PLAAT1: variants seen among roughly 807,000 people sequenced by gnomAD.
The protein encoded by PLAAT1 is H-REV107 protein-related protein.
PLAAT1 carries 13 observed loss-of-function variants against 16.4 expected under a neutral mutation model. The ratio of observed to expected loss-of-function variants is 0.79; its 90% confidence interval spans 0.52 to 1.26. PLAAT1 has a LOEUF of 1.26. PLAAT1 is among the 50% of genes most tolerant of loss of function. The pLI is 0.00. For missense variants in PLAAT1, 218 were observed against 207.8 expected (o/e 1.05, Z -0.30); for synonymous variants, 73 against 78.4 (o/e 0.93, Z 0.36).
At chr3:193,279,976 TA>T (rs57617984), downstream of PLAAT1, among the ~76,000 whole-genome samples, 790 of 59,876 alleles carry the variant, frequency 0.013, 10 homozygotes, top group African/African-American at 0.036. Context: ...GTGTCTTTGT[TA>T]AAAAAAAAAA....
At chr3:193,241,621 G>C in intron 1 of PLAAT1, 88 bp downstream of exon 1, 1 of 960,478 alleles carries the variant, frequency 1.0e-6, no homozygotes, top group African/African-American at 1.7e-5. Context: ...AAGTTGACAT[G>C]ACTAGAGAAC....
At chr3:193,273,161 T>C (rs2108807226), downstream of PLAAT1, among the ~76,000 whole-genome samples, 1 of 152,346 alleles carries the variant, frequency 6.6e-6, no homozygotes. Flanking sequence ...TATTATACAG[T>C]GTATCAATTG....
chr3:193,253,347 A>G (rs1266523221), intron 1 of PLAAT1, among the ~76,000 whole-genome samples: 1 of 152,186 alleles, frequency 6.6e-6, no homozygotes, highest in East Asian at 1.9e-4. Context: ...TAAATATATT[A>G]GAATTTTACA....
downstream of PLAAT1, chr3:193,279,455 C>T (rs767426815): frequency 6.2e-7 from 1 of 1,610,484 alleles, no homozygotes. Context: ...GAAAATATAT[C>T]TGAGGAAATA....
chr3:193,262,822 G>A (rs1189645346), intron 2 of PLAAT1, 148 bp from the exon 3 acceptor site: 15 of 752,648 alleles, frequency 2.0e-5, no homozygotes, highest in Non-Finnish European at 3.3e-5. Context: ...AACTGCTTAA[G>A]GCTGATGAGA....
intron 1 of PLAAT1, among the ~76,000 whole-genome samples, chr3:193,241,844 G>A (rs1274246240): frequency 6.6e-6 from 1 of 152,214 alleles, no homozygotes; most frequent in Non-Finnish European, 1.5e-5. Context: ...TGGAAAGTTG[G>A]ATGGTGATAT....
intron 1 of PLAAT1, among the ~76,000 whole-genome samples, chr3:193,244,926 G>A (rs1053655224): frequency 2.0e-5 from 3 of 152,074 alleles, no homozygotes; most frequent in African/African-American, 7.2e-5. Context: ...CCTCTTCAAG[G>A]CCTGCCCCAC....
chr3:193,280,324 T>G (rs1717430276), downstream of PLAAT1, among the ~76,000 whole-genome samples: 1 of 152,174 alleles, frequency 6.6e-6, no homozygotes. Flanking sequence ...AGTGCTATGA[T>G]TACAGGCATC....
chr3:193,275,086 A>G, downstream of PLAAT1: 1 of 1,614,144 alleles, frequency 6.2e-7, no homozygotes, highest in African/African-American at 1.3e-5. Context: ...TGGCCTCCCA[A>G]TTTGAGTTTT....
At chr3:193,270,077 C>CAA (rs1560106325) in intron 3 of PLAAT1, among the ~76,000 whole-genome samples, 1 of 151,390 alleles carries the variant, frequency 6.6e-6, no homozygotes, top group African/African-American at 2.4e-5. Context: ...GAAACACACA[C>CAA]ACACACACAC....
At chr3:193,250,601 G>A (rs1234015632) in intron 1 of PLAAT1, among the ~76,000 whole-genome samples, 1 of 152,168 alleles carries the variant, frequency 6.6e-6, no homozygotes, top group African/African-American at 2.4e-5. Context: ...CACTCCGTGT[G>A]TATGGAAACT....
chr3:193,247,972 A>G (rs934596630), intron 1 of PLAAT1, among the ~76,000 whole-genome samples: 2 of 152,164 alleles, frequency 1.3e-5, no homozygotes, highest in African/African-American at 4.8e-5. Context: ...TTCAAGTTCA[A>G]TATTTCCTTG....
chr3:193,241,976 G>A (rs547300946), intron 1 of PLAAT1, among the ~76,000 whole-genome samples: 9 of 152,182 alleles, frequency 5.9e-5, no homozygotes, highest in Non-Finnish European at 1.2e-4. Context: ...ACTTGTGCGA[G>A]GCACTCTCAC....
chr3:193,259,396 GAAAT>G lies in PLAAT1; in HGVS notation c.140-3570_140-3567del, dbSNP rs529006238. Among the ~76,000 whole-genome samples, 796 of 152,216 alleles carry G rather than the reference GAAAT, an allele frequency of 5.2e-3. 8 individuals carry two copies. Among genetic ancestry groups the G allele is most frequent in the African/African-American group, 0.018 (764 of 41,546 alleles). On this transcript the variant is annotated intron_variant, in intron 2 of 3. Coordinates refer to ENST00000264735, the MANE Select transcript of PLAAT1 (RefSeq NM_020386.5). ...AGCCAGAGCAGTGAGGCAAGAGAAA[GAAAT>G]AAAAGGCATCCAAATAGGAAAAGAG...
intron 1 of PLAAT1, among the ~76,000 whole-genome samples, chr3:193,245,103 T>C (rs1003050370): frequency 6.6e-6 from 1 of 152,208 alleles, no homozygotes; most frequent in African/African-American, 2.4e-5. Flanking sequence ...TACATTATTA[T>C]GTGTGGTCAA....
At chr3:193,274,886 A>G, downstream of PLAAT1, 16 of 1,031,250 alleles carry the variant, frequency 1.6e-5, no homozygotes, top group South Asian at 2.3e-4. Context: ...AAGCCTATCT[A>G]AGGTCCCTTG....
At chr3:193,242,798 G>A (rs1715824308) in intron 1 of PLAAT1, among the ~76,000 whole-genome samples, 1 of 152,212 alleles carries the variant, frequency 6.6e-6, no homozygotes, top group Admixed American at 6.5e-5. Flanking sequence ...ACATCACAGT[G>A]TAGGAGGATT....
intron 1 of PLAAT1, among the ~76,000 whole-genome samples, chr3:193,241,889 G>A (rs1440716273): frequency 6.6e-6 from 1 of 152,174 alleles, no homozygotes; most frequent in African/African-American, 2.4e-5. Context: ...TATGACTCGT[G>A]CTGGAAAAAG....
intron 2 of PLAAT1, among the ~76,000 whole-genome samples, chr3:193,256,724 C>T (rs114092100): frequency 0.013 from 1,923 of 152,166 alleles, 17 homozygotes; most frequent in Non-Finnish European, 0.016. Context: ...TAAAAGGGTT[C>T]GTATCCTCTG....
Sources: gnomAD v4.1 joint callset for allele counts (sites outside exome capture counted in the v4.1 genomes callset) on GRCh38, gnomAD v4.1.1 for gene constraint, MANE v1.5 for transcripts, NCBI Gene and HGNC (gene_info 2026-07-23, HGNC 2026-07-21) for gene names.